SMC5: variants seen among roughly 807,000 people sequenced by gnomAD.
SMC5 encodes the protein structural maintenance of chromosomes protein 5.
Under a neutral mutation model 148.3 loss-of-function variants are expected in SMC5, and 88 were observed. The observed-to-expected ratio is 0.59, with a 90% CI of 0.50 to 0.71. The LOEUF is 0.71. Among genes scored for constraint, SMC5 ranks in the 30% least tolerant of loss-of-function variants. The pLI is 0.00. For missense variants in SMC5, 1,142 were observed against 1,298.9 expected (o/e 0.88, Z 1.86); for synonymous variants, 421 against 432.8 (o/e 0.97, Z 0.34).
chr9:70,321,569 A>T (rs929474391), intron 15 of SMC5, among the ~76,000 whole-genome samples: 3 of 151,264 alleles, frequency 2.0e-5, no homozygotes, highest in Non-Finnish European at 4.4e-5. Context: ...TTTTGTAGAG[A>T]TGGGGTCTTG....
At chr9:70,346,807 G>A (rs1026988326) in intron 19 of SMC5, among the ~76,000 whole-genome samples, 158 bp downstream of exon 19, 7 of 152,020 alleles carry the variant, frequency 4.6e-5, no homozygotes, top group African/African-American at 1.7e-4. Flanking sequence ...TAAATTCCTA[G>A]CCTATATGAT....
In SMC5 at chr9:70,297,301, C is replaced by G. The variant is rs117889869; in HGVS notation, c.1054-665C>G. Reference sequence around the variant, plus strand: ...ATAAAGGTGTCGCTGTCTCAGCCACCCATGTGGATGATCTGTGGTTGATGG... The same window carrying G: ...ATAAAGGTGTCGCTGTCTCAGCCACGCATGTGGATGATCTGTGGTTGATGG... On this transcript the variant is annotated intron_variant, in intron 8 of 24. Coordinates refer to ENST00000361138, the MANE Select transcript of SMC5 (RefSeq NM_015110.4). 9.5e-3 allele frequency among the ~76,000 whole-genome samples: 1,448 copies of G among 152,248 alleles called. 8 individuals carry two copies. Among genetic ancestry groups the G allele is most frequent in the Non-Finnish European group, 0.014 (948 of 68,006 alleles).
At chr9:70,349,178 G>A (rs2036743447) in intron 22 of SMC5, among the ~76,000 whole-genome samples, 1 of 152,094 alleles carries the variant, frequency 6.6e-6, no homozygotes, top group South Asian at 2.1e-4. Flanking sequence ...GCTATTCTTC[G>A]GCTTCAGACT....
chr9:70,264,490 T>G, intron 2 of SMC5, 45 bp downstream of exon 2: 2 of 1,597,980 alleles, frequency 1.3e-6, no homozygotes, highest in Non-Finnish European at 1.7e-6. Flanking sequence ...AACCTATTAA[T>G]TGCTTTTAGT....
At chr9:70,300,774 C>T (rs2035338493) in intron 10 of SMC5, among the ~76,000 whole-genome samples, 1 of 151,956 alleles carries the variant, frequency 6.6e-6, no homozygotes, top group Non-Finnish European at 1.5e-5. Flanking sequence ...GTTTGCCATC[C>T]AGACTGTTTA....
chr9:70,272,099 A>G (rs748687920), intron 3 of SMC5, among the ~76,000 whole-genome samples: 2 of 152,248 alleles, frequency 1.3e-5, no homozygotes, highest in Non-Finnish European at 2.9e-5. Context: ...GAACAACGCT[A>G]TGAGAGATGA....
chr9:70,343,321 T>A (rs11142377), intron 17 of SMC5, among the ~76,000 whole-genome samples: 11,734 of 152,176 alleles, frequency 0.077, 524 homozygotes, highest in African/African-American at 0.13. Flanking sequence ...CACCTTTCTG[T>A]GACCAATGCG....
chr9:70,285,315 C>G (rs1462152114), intron 7 of SMC5, among the ~76,000 whole-genome samples: 4 of 152,246 alleles, frequency 2.6e-5, no homozygotes, highest in South Asian at 2.1e-4. Flanking sequence ...GGTCCTCCCC[C>G]AGAGAAATCA....
At chr9:70,350,720 T>C (rs1424810779) in intron 24 of SMC5, among the ~76,000 whole-genome samples, 1 of 152,166 alleles carries the variant, frequency 6.6e-6, no homozygotes, top group Non-Finnish European at 1.5e-5. Context: ...CTAGAAAAGG[T>C]ACTCTTTCAG....
intron 17 of SMC5, among the ~76,000 whole-genome samples, chr9:70,325,889 G>T (rs2036065118): frequency 6.6e-6 from 1 of 151,864 alleles, no homozygotes; most frequent in Non-Finnish European, 1.5e-5. Flanking sequence ...AAGGACATAA[G>T]GATATTATAT....
At chr9:70,266,698 A>C (rs898995866) in intron 2 of SMC5, among the ~76,000 whole-genome samples, 11 of 152,226 alleles carry the variant, frequency 7.2e-5, no homozygotes, top group Admixed American at 2.6e-4. Flanking sequence ...AGTTCTCAGC[A>C]AGAATATTTA....
intron 8 of SMC5, among the ~76,000 whole-genome samples, chr9:70,293,579 T>C (rs1213036631): frequency 2.0e-5 from 3 of 152,190 alleles, no homozygotes; most frequent in Non-Finnish European, 4.4e-5. Flanking sequence ...CTTGGTGTTA[T>C]ACATTTTCCT....
chr9:70,350,158 A>T lies in SMC5; in HGVS notation c.2934A>T (p.Arg978=), dbSNP rs564692541. 2 of 1,611,576 alleles carry T rather than the reference A, an allele frequency of 1.2e-6. No individual in the cohort carries two copies. The highest frequency in any genetic ancestry group is 1.3e-5 in the African/African-American group (1 of 74,978). Residue 978 remains arginine, a synonymous_variant, in exon 23 of 25, where the codon CGA becomes CGT. Coordinates refer to ENST00000361138, the MANE Select transcript of SMC5 (RefSeq NM_015110.4). ...KYGIRIRVKF[R]SSTQLHELTP... ...GAATTCGAATTAGAGTCAAATTTCG[A>T]AGTAGTACTCAACTGCATGAATTAA...
intron 6 of SMC5, 118 bp downstream of exon 6, chr9:70,281,017 T>G (rs2034735705): frequency 9.1e-7 from 1 of 1,101,274 alleles, no homozygotes; most frequent in East Asian, 2.4e-5. Context: ...TTTGGCTTTA[T>G]ATGTTATACA....
chr9:70,281,917 CTT>C (rs2034760604), intron 6 of SMC5, among the ~76,000 whole-genome samples: 1 of 151,466 alleles, frequency 6.6e-6, no homozygotes, highest in African/African-American at 2.4e-5. Context: ...CCCATTCACT[CTT>C]ATATAATGTT....
intron 15 of SMC5, among the ~76,000 whole-genome samples, chr9:70,322,933 G>C (rs535529561): frequency 8.1e-4 from 123 of 152,218 alleles, no homozygotes; most frequent in Non-Finnish European, 1.2e-4. Flanking sequence ...TCTTCAAAAT[G>C]TTATTTCGCT....
At chr9:70,352,126 G>A (rs1443214514) in intron 24 of SMC5, 65 bp from the exon 25 acceptor site, 1 of 1,392,288 alleles carries the variant, frequency 7.2e-7, no homozygotes, top group Non-Finnish European at 9.8e-7. Flanking sequence ...CTGTACACAT[G>A]TAAGGTTGGA....
intron 20 of SMC5, 29 bp from the exon 21 acceptor site, chr9:70,347,584 C>A: frequency 1.6e-6 from 2 of 1,227,566 alleles, no homozygotes; most frequent in Non-Finnish European, 2.3e-6. Flanking sequence ...GTAGATTTAT[C>A]TTAAAGAAGT....
chr9:70,285,776 CAAG>C (rs144905495), intron 7 of SMC5, among the ~76,000 whole-genome samples: 298 of 152,184 alleles, frequency 2.0e-3, no homozygotes, highest in Middle Eastern at 0.01. Flanking sequence ...TGAAAAATAT[CAAG>C]GAGGTAGCAT....
Sources: allele counts gnomAD v4.1 joint callset (sites outside exome capture counted in the v4.1 genomes callset), GRCh38; gene constraint gnomAD v4.1.1; transcripts MANE v1.5; gene names NCBI Gene and HGNC (gene_info 2026-07-23, HGNC 2026-07-21).